LMNA: variants seen among roughly 807,000 people sequenced by gnomAD.
LMNA encodes the protein lamin A/C.
In LMNA, 20 loss-of-function variants were observed where a neutral mutation model predicts 70.4. The observed-to-expected ratio is 0.28, with a 90% CI of 0.20 to 0.41. The LOEUF is 0.41. LMNA is among the 10% of genes least tolerant of loss of function. The pLI is 1.00. For synonymous variants in LMNA, 339 were observed against 372.8 expected, an observed-to-expected ratio of 0.91 and a Z score of 1.04; for missense variants, 652 against 917.2, an observed-to-expected ratio of 0.71 and a Z score of 3.73.
Position 156,135,681 on chromosome 1 carries a change from G to A in LMNA, c.937-220G>A, listed in dbSNP as rs535521858. On this transcript the variant is annotated intron_variant, in intron 5 of 11. Coordinates refer to ENST00000368300, the MANE Select transcript of LMNA (RefSeq NM_170707.4). This position sits in a 1 kb window ranked among gnomAD's most constrained non-coding sequence, Gnocchi z 4.8. ...AGGAGAAAAAGTCTAGCCTCAGAACGAGAGGTTTCAGTTAGACAAGGGGAA... is the reference window on the plus strand; with the variant it reads ...AGGAGAAAAAGTCTAGCCTCAGAACAAGAGGTTTCAGTTAGACAAGGGGAA... The A allele has an allele frequency of 9.9e-6, 6 of 604,246 alleles. No individual in the cohort carries two copies. In the South Asian group the frequency reaches 1.0e-4, roughly 10 times the overall value. The allele number at this position is 604,246 out of a possible 1,614,324, so 37.4% of individuals were successfully genotyped here.
chr1:156,089,126 C>T lies in LMNA; in HGVS notation c.-318-1345C>T, dbSNP rs532267191. Among the ~76,000 whole-genome samples, 46 of 152,120 alleles carry T rather than the reference C, an allele frequency of 3.0e-4. No individual in the cohort carries two copies. The East Asian group carries it at 7.9e-3, about 26-fold the overall frequency. On this transcript the variant is annotated intron_variant, in intron 2 of 12. Transcript: ENST00000368301. ...CTGAGTTGTTTGGTCTACAGGCATG[C>T]GCACCCTGCCTGGCTAATTTTTGTA...
In LMNA at chr1:156,103,563, C is replaced by T. The variant is rs577231025; in HGVS notation, c.-206-11150C>T. Among the ~76,000 whole-genome samples the T allele has an allele frequency of 2.0e-4, 30 of 152,180 alleles. No individual in the cohort carries two copies. The highest frequency in any genetic ancestry group is 4.0e-4 in the Non-Finnish European group (27 of 67,974). On this transcript the variant is annotated intron_variant, in intron 3 of 12. Coordinates refer to the LMNA transcript ENST00000368301. This position sits in a 1 kb window ranked among gnomAD's most constrained non-coding sequence, Gnocchi z 4.7. Reference sequence around the variant, plus strand: ...CCTTGAGGAGGAGATGGGAGGGCAGCGCATACCCCTAGCCAACCCCTCCTT... The same window carrying T: ...CCTTGAGGAGGAGATGGGAGGGCAGTGCATACCCCTAGCCAACCCCTCCTT...
intron 1 of LMNA, among the ~76,000 whole-genome samples, chr1:156,118,161 T>A (rs1236455928): frequency 6.6e-6 from 1 of 152,002 alleles, no homozygotes; most frequent in African/African-American, 2.4e-5. Context: ...TATGAACAAT[T>A]TAGTTAGCAA....
Position 156,137,144 on chromosome 1 carries a change from G to A in LMNA, c.1520G>A (p.Ser507Asn). ...IWAAGAGATH[S>N]PPTDLVWKAQ... ...GCTGCAGGAGCTGGGGCCACCCACA[G>A]CCCCCCTACCGACCTGGTGTGGAAG... The change falls in exon 9 of 12, where the codon AGC becomes AAC. Residue 507 changes from serine to asparagine, a missense_variant. Physicochemically the swap from Ser to Asn is conservative, Grantham distance 46 (BLOSUM62 1). Transcript: ENST00000368300. The surrounding 1 kb of genome is among the most constrained non-coding windows in gnomAD (Gnocchi z 4.6). 1.2e-6 allele frequency: 2 copies of A among 1,613,324 alleles called. No homozygotes were observed. The highest frequency in any genetic ancestry group is 1.7e-6 in the Non-Finnish European group (2 of 1,179,706).
chr1:156,110,319 A>G (rs76867045), upstream of LMNA, among the ~76,000 whole-genome samples: 694 of 152,300 alleles, frequency 4.6e-3, 4 homozygotes, highest in Non-Finnish European at 7.3e-3. Flanking sequence ...AGTTCCTGGT[A>G]TATAGTAGAT....
upstream of LMNA, among the ~76,000 whole-genome samples, chr1:156,111,449 CAA>C (rs5777973): frequency 9.6e-4 from 115 of 119,616 alleles, no homozygotes; most frequent in Admixed American, 1.5e-3. Context: ...AACTCTGTCT[CAA>C]AAAAAAAAAA....
At chr1:156,117,969 A>ATTTTTTTT (rs1186679791) in intron 1 of LMNA, among the ~76,000 whole-genome samples, 33 of 91,880 alleles carry the variant, frequency 3.6e-4, no homozygotes, top group Admixed American at 7.2e-4. Flanking sequence ...CGCTTGGCTA[A>ATTTTTTTT]TTTTTTTTTT....
chr1:156,096,332 G>A (rs1038654278), intron 3 of LMNA, among the ~76,000 whole-genome samples: 14 of 152,182 alleles, frequency 9.2e-5, no homozygotes, highest in Admixed American at 2.0e-4. Context: ...GCAAATTACC[G>A]CACATCTCTG....
chr1:156,111,512 C>T (rs1266189580), upstream of LMNA, among the ~76,000 whole-genome samples: 2 of 152,066 alleles, frequency 1.3e-5, no homozygotes, highest in Non-Finnish European at 2.9e-5. Context: ...GCTGATTTCA[C>T]TCATGCATGC....
At chr1:156,126,388 G>A (rs896622101) in intron 1 of LMNA, among the ~76,000 whole-genome samples, 3 of 152,322 alleles carry the variant, frequency 2.0e-5, no homozygotes, top group South Asian at 2.1e-4. Context: ...CTCTCCCTCC[G>A]GGCCTAGCCT....
chr1:156,129,159 T>TA (rs1167709534), intron 1 of LMNA, among the ~76,000 whole-genome samples: 2 of 152,202 alleles, frequency 1.3e-5, no homozygotes, highest in Non-Finnish European at 2.9e-5. Flanking sequence ...GACAGACACT[T>TA]ACATTAAACA....
At chr1:156,086,037 G>A (rs761535865) in intron 2 of LMNA, among the ~76,000 whole-genome samples, 15 of 152,160 alleles carry the variant, frequency 9.9e-5, no homozygotes, top group Non-Finnish European at 1.8e-4. Context: ...GGCAACAGAG[G>A]GAGACTCCGT....
intron 2 of LMNA, among the ~76,000 whole-genome samples, chr1:156,085,261 T>C (rs1433517766): frequency 6.6e-6 from 1 of 152,216 alleles, no homozygotes; most frequent in Non-Finnish European, 1.5e-5. Context: ...GTGGGCACCT[T>C]GAGGAGCTGG....
chr1:156,106,749 G>T (rs913245017), intron 3 of LMNA: 3 of 151,916 alleles, frequency 2.0e-5, no homozygotes, highest in African/African-American at 7.3e-5. Flanking sequence ...AGAAAGGAAG[G>T]AGATGTCACT....
chr1:156,125,587 G>A (rs1650500490), intron 1 of LMNA, among the ~76,000 whole-genome samples: 1 of 152,082 alleles, frequency 6.6e-6, no homozygotes, highest in Admixed American at 6.6e-5. Flanking sequence ...TACTCTGGAG[G>A]CTGAGGCACA....
chr1:156,137,095 TC>T lies in LMNA; in HGVS notation c.1489-16del, dbSNP rs769175090. The T allele has an allele frequency of 4.3e-6, 7 of 1,613,856 alleles. No individual in the cohort carries two copies. The Admixed American group carries it at 1.2e-4, about 27-fold the overall frequency. On this transcript the variant is annotated splice_polypyrimidine_tract_variant and intron_variant, in intron 8 of 11. Coordinates refer to ENST00000368300, the MANE Select transcript of LMNA (RefSeq NM_170707.4). The surrounding 1 kb of genome is among the most constrained non-coding windows in gnomAD (Gnocchi z 4.6). ...GGCGATGGGAGCGCTGGGGTAAGTG[TC>T]CTTTTCTCCTCTCCAGATCTGGGCT...
At chr1:156,132,829 C>T (rs962205215) in intron 2 of LMNA, among the ~76,000 whole-genome samples, 92 of 143,212 alleles carry the variant, frequency 6.4e-4, no homozygotes, top group African/African-American at 1.9e-3. Context: ...TCTCCTCTCT[C>T]TCTCTCTCTT....
chr1:156,122,322 A>C (rs1650246279), intron 1 of LMNA, among the ~76,000 whole-genome samples: 1 of 152,164 alleles, frequency 6.6e-6, no homozygotes, highest in African/African-American at 2.4e-5. Context: ...AAGTCTCCAG[A>C]GACCTTTTAG....
At chr1:156,083,797 C>G (rs1381386594) in intron 2 of LMNA, among the ~76,000 whole-genome samples, 1 of 151,570 alleles carries the variant, frequency 6.6e-6, no homozygotes, top group Non-Finnish European at 1.5e-5. Context: ...AAAACAAAAA[C>G]AAAACAAACA....
Sources: allele counts gnomAD v4.1 joint callset (sites outside exome capture counted in the v4.1 genomes callset), GRCh38; gene constraint gnomAD v4.1.1; non-coding constraint Gnocchi (gnomAD v3.1); transcripts MANE v1.5; gene names NCBI Gene and HGNC (gene_info 2026-07-23, HGNC 2026-07-21).